The following LRRC7 variants were observed in gnomAD, a reference collection of about 807,000 sequenced individuals.
LRRC7 encodes leucine-rich repeat-containing protein 7.
LRRC7 carries 23 observed loss-of-function variants against 175.7 expected under a neutral mutation model. The observed-to-expected ratio is 0.13, with a 90% CI of 0.09 to 0.19. The LOEUF is 0.19. LRRC7 is among the 10% of genes least tolerant of loss of function. The pLI, the probability that LRRC7 is intolerant of heterozygous loss-of-function variation, is 1.00. For synonymous variants in LRRC7, 685 were observed against 680.9 expected, an observed-to-expected ratio of 1.01 and a Z score of -0.09; for missense variants, 1,354 against 1,904.7, an observed-to-expected ratio of 0.71 and a Z score of 5.38.
intron 4 of LRRC7, among the ~76,000 whole-genome samples, chr1:69,808,054 C>T (rs1357371372): frequency 1.3e-5 from 2 of 151,578 alleles, no homozygotes; most frequent in Non-Finnish European, 2.9e-5. Context: ...AGTCGATCTT[C>T]AATCTCTGAT....
chr1:70,102,678 T>C (rs973848816), intron 25 of LRRC7, among the ~76,000 whole-genome samples: 1 of 152,194 alleles, frequency 6.6e-6, no homozygotes. Context: ...TTTCAGACTT[T>C]TGATAATTAA....
At chr1:69,571,761 G>A (rs925773367) in intron 1 of LRRC7, among the ~76,000 whole-genome samples, 34 of 152,048 alleles carry the variant, frequency 2.2e-4, no homozygotes, top group Admixed American at 7.9e-4. Flanking sequence ...CATTCCACGA[G>A]ATTATAACTT....
intron 2 of LRRC7, among the ~76,000 whole-genome samples, chr1:69,709,456 G>T (rs1664467929): frequency 2.0e-5 from 3 of 152,148 alleles, no homozygotes. Context: ...TATGTACTAG[G>T]GGAGAAAAAT....
At chr1:69,745,583 T>C (rs1001835412) in intron 2 of LRRC7, among the ~76,000 whole-genome samples, 5 of 151,930 alleles carry the variant, frequency 3.3e-5, no homozygotes, top group African/African-American at 9.7e-5. Flanking sequence ...AGTAGACATA[T>C]CACAACAGAA....
chr1:69,888,202 C>T lies in LRRC7; in HGVS notation c.648-43305C>T, dbSNP rs1476260974. On this transcript the variant is annotated intron_variant, in intron 7 of 26. Coordinates refer to ENST00000651989, the MANE Select transcript of LRRC7 (RefSeq NM_001370785.2). ...CTAAGCAAGCCTGGGCAATGGCGGT[C>T]GCCCCTCCCCCAGCCTCACTGCCTC... Among the ~76,000 whole-genome samples the T allele has an allele frequency of 2.6e-5, 4 of 151,864 alleles. No homozygotes were observed. The East Asian group carries it at 5.8e-4, about 22-fold the overall frequency.
intron 17 of LRRC7, 43 bp downstream of exon 17, chr1:70,023,417 G>A: frequency 1.3e-6 from 2 of 1,502,176 alleles, no homozygotes; most frequent in South Asian, 1.4e-5. Flanking sequence ...CCATGTAGAG[G>A]CAACCTTGGA....
At chr1:69,899,498 G>A (rs1646074593) in intron 7 of LRRC7, among the ~76,000 whole-genome samples, 1 of 152,156 alleles carries the variant, frequency 6.6e-6, no homozygotes, top group African/African-American at 2.4e-5. Flanking sequence ...TGTAACTCAG[G>A]ATTCAGCAAA....
intron 24 of LRRC7, among the ~76,000 whole-genome samples, chr1:70,084,775 G>T (rs1436257706): frequency 6.6e-6 from 1 of 152,146 alleles, no homozygotes; most frequent in African/African-American, 2.4e-5. Flanking sequence ...GAACAGCAAT[G>T]AATGTGGGTT....
At chr1:70,036,023 T>G in intron 18 of LRRC7, 98 bp from the exon 19 acceptor site, 1 of 818,204 alleles carries the variant, frequency 1.2e-6, no homozygotes, top group Non-Finnish European at 1.9e-6. Context: ...AATTCTAGAG[T>G]CACATTTTTT....
chr1:70,109,376 C>T (rs1665369672), intron 26 of LRRC7, among the ~76,000 whole-genome samples: 2 of 152,096 alleles, frequency 1.3e-5, no homozygotes, highest in African/African-American at 4.8e-5. Flanking sequence ...CTCAAGTTTT[C>T]AAAAATGATA....
chr1:69,698,096 C>G (rs1052609421), intron 2 of LRRC7, among the ~76,000 whole-genome samples: 1 of 152,188 alleles, frequency 6.6e-6, no homozygotes, highest in African/African-American at 2.4e-5. Flanking sequence ...CCTCTTGAAG[C>G]CTGAGAAGTG....
intron 1 of LRRC7, among the ~76,000 whole-genome samples, chr1:69,588,372 A>T (rs1433475504): frequency 6.6e-6 from 1 of 152,220 alleles, no homozygotes; most frequent in Non-Finnish European, 1.5e-5. Context: ...AAAAAAGAAT[A>T]AACCGGATGT....
At chr1:69,919,599 AGGC>A in intron 7 of LRRC7, 1 of 812,682 alleles carries the variant, frequency 1.2e-6, no homozygotes, top group Non-Finnish European at 2.1e-6. Flanking sequence ...ACCAAGGAGG[AGGC>A]CCTGGAGCTG....
intron 8 of LRRC7, among the ~76,000 whole-genome samples, chr1:69,968,034 A>G (rs1196512769): frequency 1.3e-5 from 2 of 152,128 alleles, no homozygotes; most frequent in East Asian, 1.9e-4. Flanking sequence ...GTGAAGCCCA[A>G]TGTAAGGAAA....
chr1:70,099,937 C>T (rs1011548079), intron 25 of LRRC7, among the ~76,000 whole-genome samples: 1 of 151,616 alleles, frequency 6.6e-6, no homozygotes, highest in Admixed American at 6.6e-5. Flanking sequence ...TTATTTTTTC[C>T]TAAGAGTCCA....
intron 8 of LRRC7, among the ~76,000 whole-genome samples, chr1:69,943,914 GT>G (rs879290969): frequency 5.4e-4 from 77 of 143,036 alleles, no homozygotes; most frequent in East Asian, 2.1e-3. Flanking sequence ...AAAAATGAAA[GT>G]TTTTTTTTTC....
At chr1:69,600,679 A>G (rs529979892) in intron 1 of LRRC7, among the ~76,000 whole-genome samples, 1 of 150,976 alleles carries the variant, frequency 6.6e-6, no homozygotes, top group East Asian at 2.0e-4. Flanking sequence ...GACTTTCCCC[A>G]TGCTTTTTTC....
chr1:69,937,807 GCAGT>G lies in LRRC7; in HGVS notation c.711+6240_711+6243del, dbSNP rs553148598. 3.3e-3 allele frequency among the ~76,000 whole-genome samples: 496 copies of G among 151,904 alleles called. 1 individual carries two copies. Among genetic ancestry groups the G allele is most frequent in the African/African-American group, 0.011 (446 of 41,514 alleles). ...TATTTTATATTTTCTTCTTGAAAAA[GCAGT>G]CAATCAGAGAAGAAGAATTTTAAAA... On this transcript the variant is annotated intron_variant, in intron 8 of 26. Transcript: ENST00000651989.
chr1:70,062,839 C>T (rs1238098178), intron 23 of LRRC7, among the ~76,000 whole-genome samples: 3 of 151,838 alleles, frequency 2.0e-5, no homozygotes, highest in Non-Finnish European at 2.9e-5. Flanking sequence ...GTTTTTAAAG[C>T]TTACTCTATT....
Sources: gnomAD v4.1 joint callset for allele counts (sites outside exome capture counted in the v4.1 genomes callset) on GRCh38, gnomAD v4.1.1 for gene constraint, MANE v1.5 for transcripts, NCBI Gene and HGNC (gene_info 2026-07-23, HGNC 2026-07-21) for gene names.